DEPDC1B: variants seen among roughly 807,000 people sequenced by gnomAD.
DEPDC1B encodes DEP domain containing 1B, also known as DEP domain-containing protein 1B.
A neutral mutation model predicts 66.5 loss-of-function variants in DEPDC1B; 51 were observed. That is an observed-to-expected ratio of 0.77 (90% CI 0.61 to 0.97). The LOEUF (loss-of-function observed/expected upper bound fraction) is 0.97. DEPDC1B is among the 50% of genes least tolerant of loss of function. The pLI is 0.00. For synonymous variants in DEPDC1B, 226 were observed against 223.6 expected, an observed-to-expected ratio of 1.01 and a Z score of -0.10; for missense variants, 552 against 637.1, an observed-to-expected ratio of 0.87 and a Z score of 1.44.
At chr5:60,617,610 C>T (rs940332326) in intron 7 of DEPDC1B, among the ~76,000 whole-genome samples, 2 of 152,126 alleles carry the variant, frequency 1.3e-5, no homozygotes, top group Admixed American at 1.3e-4. Flanking sequence ...TATATGCACC[C>T]AATACAGGAG....
chr5:60,603,292 T>A, intron 9 of DEPDC1B, 99 bp downstream of exon 9: 1 of 1,122,370 alleles, frequency 8.9e-7, no homozygotes, highest in South Asian at 2.4e-5. Flanking sequence ...TAAACATTAA[T>A]TCACTTAATC....
chr5:60,607,891 G>A (rs1752342608), intron 7 of DEPDC1B, among the ~76,000 whole-genome samples: 1 of 152,190 alleles, frequency 6.6e-6, no homozygotes, highest in Non-Finnish European at 1.5e-5. Flanking sequence ...GACAGTGTGT[G>A]TAAGGAAAAC....
At chr5:60,657,778 C>A (rs1753611624) in intron 2 of DEPDC1B, among the ~76,000 whole-genome samples, 1 of 152,150 alleles carries the variant, frequency 6.6e-6, no homozygotes, top group South Asian at 2.1e-4. Context: ...TAGGTGATTA[C>A]CTTTTTGCGA....
chr5:60,655,949 T>G (rs1401586456), intron 2 of DEPDC1B, among the ~76,000 whole-genome samples: 1 of 148,822 alleles, frequency 6.7e-6, no homozygotes, highest in African/African-American at 2.5e-5. Flanking sequence ...GGAGTTGATT[T>G]CCAATTTTAT....
chr5:60,619,440 G>C (rs1342063447), intron 7 of DEPDC1B, among the ~76,000 whole-genome samples: 1 of 152,190 alleles, frequency 6.6e-6, no homozygotes, highest in African/African-American at 2.4e-5. Flanking sequence ...CTTCAGCAAA[G>C]TCTCAGGATA....
intron 2 of DEPDC1B, among the ~76,000 whole-genome samples, chr5:60,659,956 C>T (rs1284680115): frequency 6.6e-6 from 1 of 152,132 alleles, no homozygotes; most frequent in African/African-American, 2.4e-5. Context: ...TTCCCCACCA[C>T]CCTTGCAGGG....
intron 2 of DEPDC1B, among the ~76,000 whole-genome samples, chr5:60,666,451 C>A (rs922748040): frequency 2.0e-5 from 3 of 152,128 alleles, no homozygotes; most frequent in African/African-American, 7.2e-5. Context: ...ACAAAGACCC[C>A]CCCCATAACA....
chr5:60,699,443 GAAAAAAAAAAA>G (rs528758437), intron 1 of DEPDC1B, among the ~76,000 whole-genome samples: 1 of 89,380 alleles, frequency 1.1e-5, no homozygotes, highest in African/African-American at 5.5e-5. Flanking sequence ...TTTTCTCCCA[GAAAAAAAAAAA>G]AAAAAAAACA....
chr5:60,652,960 T>A (rs1226468892), intron 2 of DEPDC1B, among the ~76,000 whole-genome samples: 2 of 149,482 alleles, frequency 1.3e-5, no homozygotes, highest in African/African-American at 5.0e-5. Flanking sequence ...TGGAGTAGTA[T>A]TCTATGGTGT....
chr5:60,672,646 C>G (rs549669608), intron 2 of DEPDC1B, among the ~76,000 whole-genome samples: 1 of 152,246 alleles, frequency 6.6e-6, no homozygotes, highest in East Asian at 1.9e-4. Context: ...TCATGTCATA[C>G]CTACATCTAT....
intron 7 of DEPDC1B, 82 bp downstream of exon 7, chr5:60,638,668 C>T (rs934193587): frequency 4.3e-6 from 6 of 1,405,492 alleles, no homozygotes; most frequent in Admixed American, 2.4e-5. Context: ...TGAGTTTTGG[C>T]TAATGGAAGT....
chr5:60,653,542 C>G (rs888257628), intron 2 of DEPDC1B, among the ~76,000 whole-genome samples: 1 of 152,158 alleles, frequency 6.6e-6, no homozygotes, highest in Non-Finnish European at 1.5e-5. Flanking sequence ...TTTTCTCCTA[C>G]TCTGTGGGTT....
At chr5:60,683,928 C>A (rs1394697572) in intron 2 of DEPDC1B, among the ~76,000 whole-genome samples, 2 of 151,498 alleles carry the variant, frequency 1.3e-5, no homozygotes, top group Non-Finnish European at 2.9e-5. Context: ...AATCAACACA[C>A]AAAAATCAGT....
chr5:60,637,342 G>A (rs570190075), intron 7 of DEPDC1B, among the ~76,000 whole-genome samples: 9 of 152,202 alleles, frequency 5.9e-5, no homozygotes, highest in Admixed American at 1.3e-4. Flanking sequence ...AAAGTGTGTA[G>A]CACCTCCCCT....
At chr5:60,685,200 A>G (rs1475545658) in intron 2 of DEPDC1B, among the ~76,000 whole-genome samples, 1 of 152,222 alleles carries the variant, frequency 6.6e-6, no homozygotes, top group East Asian at 1.9e-4. Context: ...AGAAGCCTGC[A>G]TGTATGCAAC....
At chr5:60,624,480 T>C (rs1752770358) in intron 7 of DEPDC1B, among the ~76,000 whole-genome samples, 1 of 152,224 alleles carries the variant, frequency 6.6e-6, no homozygotes, top group African/African-American at 2.4e-5. Flanking sequence ...TTGGTTTTAT[T>C]ACCCATGTCA....
At chr5:60,699,455 A>AAAAAAAAC (rs1754732129) in intron 1 of DEPDC1B, among the ~76,000 whole-genome samples, 2 of 66,856 alleles carry the variant, frequency 3.0e-5, no homozygotes, top group Admixed American at 3.5e-4. Context: ...AAAAAAAAAA[A>AAAAAAAAC]AAAAAAACAG....
intron 6 of DEPDC1B, 107 bp from the exon 7 acceptor site, chr5:60,638,997 T>C (rs1753125778): frequency 1.5e-6 from 2 of 1,345,826 alleles, no homozygotes; most frequent in Non-Finnish European, 2.0e-6. Context: ...ATATTTGACA[T>C]ATACAGAAAA....
At chr5:60,690,435 T>C (rs915786354) in intron 1 of DEPDC1B, among the ~76,000 whole-genome samples, 1 of 152,198 alleles carries the variant, frequency 6.6e-6, no homozygotes, top group Admixed American at 6.5e-5. Flanking sequence ...TACAACAAAC[T>C]TAAAAATAAA....
Sources: gnomAD v4.1 joint callset for allele counts (sites outside exome capture counted in the v4.1 genomes callset) on GRCh38, gnomAD v4.1.1 for gene constraint, MANE v1.5 for transcripts, NCBI Gene and HGNC (gene_info 2026-07-23, HGNC 2026-07-21) for gene names.